KCNIP3: variants seen among roughly 807,000 people sequenced by gnomAD.
KCNIP3 encodes calsenilin.
KCNIP3 carries 28 observed loss-of-function variants against 35.0 expected under a neutral mutation model. That is an observed-to-expected ratio of 0.80 (90% CI 0.59 to 1.10). The LOEUF is 1.10. Among genes scored for constraint, KCNIP3 ranks in the 50% least tolerant of loss-of-function variants. The probability of loss-of-function intolerance (pLI) is 0.00; values close to 1 mark genes in which losing one functional copy is unlikely to be tolerated. For synonymous variants in KCNIP3, 134 were observed against 133.8 expected, an observed-to-expected ratio of 1.00 and a Z score of -0.01; for missense variants, 295 against 338.4, an observed-to-expected ratio of 0.87 and a Z score of 1.01.
chr2:95,368,772 T>C lies in KCNIP3; in HGVS notation c.182-5524T>C, dbSNP rs139171816. The C allele has an allele frequency of 2.0e-3, 492 of 241,976 alleles. 8 individuals are homozygous for C. Among genetic ancestry groups the C allele is most frequent in the East Asian group, 0.018 (186 of 10,174 alleles). 15.0% of individuals were successfully genotyped at this position (241,976 alleles called of 1,614,324 possible). On this transcript the variant is annotated intron_variant, in intron 2 of 8. Transcript: ENST00000295225. ...TGACTGATAATCACTGTTGGTTTGG[T>C]CACATTTCCACCTGCCCAGTGGCAA... is the stretch of plus-strand genomic sequence containing the variant.
intron 1 of KCNIP3, among the ~76,000 whole-genome samples, chr2:95,306,941 T>G (rs945037311): frequency 6.6e-6 from 1 of 152,214 alleles, no homozygotes; most frequent in Non-Finnish European, 1.5e-5. Flanking sequence ...CAGATATTCA[T>G]GAGGATGACC....
At chr2:95,361,445 C>T (rs1447796129) in intron 2 of KCNIP3, among the ~76,000 whole-genome samples, 3 of 152,164 alleles carry the variant, frequency 2.0e-5, no homozygotes, top group East Asian at 1.9e-4. Flanking sequence ...ATCAGACAAC[C>T]CTTTCTCTGC....
At chr2:95,322,944 GCCAC>G (rs1487458380) in intron 2 of KCNIP3, among the ~76,000 whole-genome samples, 2 of 152,232 alleles carry the variant, frequency 1.3e-5, no homozygotes, top group African/African-American at 4.8e-5. Context: ...TTCATTAAGA[GCCAC>G]CGCGAGCAGG....
At chr2:95,320,651 C>G (rs988173213) in intron 2 of KCNIP3, among the ~76,000 whole-genome samples, 2 of 152,118 alleles carry the variant, frequency 1.3e-5, no homozygotes, top group African/African-American at 2.4e-5. Context: ...GTTCACTGTC[C>G]TCACCCTGGC....
Position 95,375,184 on chromosome 2 carries a change from C to A in KCNIP3, c.423C>A (p.Asp141Glu), listed in dbSNP as rs769227968. ...AHFLFNAFDA[D>E]GNGAIHFEDF... ...TCCTCTTCAACGCCTTTGATGCGGA[C>A]GGGAACGGGGCCATCCACTTTGAGG... The change falls in exon 5 of 9, where the codon GAC becomes GAA. Residue 141 changes from aspartate to glutamate, a missense_variant. Asp to Glu is a conservative substitution (Grantham distance 45). Coordinates refer to ENST00000295225, the MANE Select transcript of KCNIP3 (RefSeq NM_013434.5). 3.1e-6 allele frequency: 5 copies of A among 1,614,028 alleles called. No individual in the cohort carries two copies. The highest frequency in any genetic ancestry group is 4.2e-6 in the Non-Finnish European group (5 of 1,180,020).
chr2:95,322,372 A>AG (rs1678617669), intron 2 of KCNIP3, among the ~76,000 whole-genome samples: 1 of 152,148 alleles, frequency 6.6e-6, no homozygotes, highest in African/African-American at 2.4e-5. Flanking sequence ...AAAGAAAAAA[A>AG]TAAAAAAGAA....
chr2:95,341,148 T>C (rs1679184673), intron 2 of KCNIP3, among the ~76,000 whole-genome samples: 1 of 152,146 alleles, frequency 6.6e-6, no homozygotes, highest in Non-Finnish European at 1.5e-5. Context: ...ATGGCGTTGT[T>C]TCTCATTGAT....
rs1405319874 is a variant in KCNIP3 at position 95,381,685 on chromosome 2, T to C, written c.537T>C (p.Asp179=). ...TTAATCTCTACGACATTAACAAGGA[T>C]GGCTACATCACCAAAGAGGTAGTAG... ...WAFNLYDINK[D]GYITKEEMLA... Residue 179 remains aspartate, a synonymous_variant, in exon 6 of 9, where the codon GAT becomes GAC. Transcript: ENST00000295225. 3 of 1,613,316 alleles carry C rather than the reference T, an allele frequency of 1.9e-6. No individual in the cohort carries two copies. The highest frequency in any genetic ancestry group is 2.5e-6 in the Non-Finnish European group (3 of 1,179,288).
In KCNIP3 at chr2:95,333,772, T is replaced by C. The variant is rs143832215; in HGVS notation, c.181+23252T>C. 1.6e-4 allele frequency among the ~76,000 whole-genome samples: 25 copies of C among 152,312 alleles called. No homozygotes were observed. The East Asian group carries it at 4.6e-3, about 28-fold the overall frequency. On this transcript the variant is annotated intron_variant, in intron 2 of 8. Transcript: ENST00000295225. ...ATTCCCTCACTGAACGCAGAGGGCA[T>C]GATGGGTGGCTGAGTCCTCCCAGCT...
intron 2 of KCNIP3, among the ~76,000 whole-genome samples, chr2:95,326,022 C>T (rs1479472485): frequency 1.1e-4 from 17 of 151,612 alleles, no homozygotes; most frequent in African/African-American, 4.1e-4. Context: ...CATACACATT[C>T]ACTCATACAC....
chr2:95,336,140 A>G (rs1241551025), intron 2 of KCNIP3, among the ~76,000 whole-genome samples: 1 of 152,214 alleles, frequency 6.6e-6, no homozygotes. Context: ...TGAGAGACAG[A>G]TGTGGATTCT....
chr2:95,380,011 GT>G (rs1428043042), intron 5 of KCNIP3, among the ~76,000 whole-genome samples: 1 of 152,068 alleles, frequency 6.6e-6, no homozygotes, highest in Non-Finnish European at 1.5e-5. Context: ...ACTTTCCTCT[GT>G]TTTCTCCCGT....
intron 5 of KCNIP3, among the ~76,000 whole-genome samples, chr2:95,380,355 G>C (rs193268836): frequency 8.3e-4 from 127 of 152,206 alleles, no homozygotes; most frequent in African/African-American, 3.0e-3. Flanking sequence ...CTCTGTCTCT[G>C]TCTCTCTCAT....
chr2:95,315,355 G>A (rs1227522408), intron 2 of KCNIP3, among the ~76,000 whole-genome samples: 12 of 152,174 alleles, frequency 7.9e-5, no homozygotes, highest in Non-Finnish European at 1.5e-4. Context: ...AAATGCCAGA[G>A]GAGCCAGGAA....
At chr2:95,368,657 C>T in intron 2 of KCNIP3, 1 of 322,808 alleles carries the variant, frequency 3.1e-6, no homozygotes, top group Non-Finnish European at 6.3e-6. Flanking sequence ...AACAGACATA[C>T]TCTACCAGTG....
chr2:95,318,211 G>T (rs1475187006), intron 2 of KCNIP3, among the ~76,000 whole-genome samples: 1 of 152,126 alleles, frequency 6.6e-6, no homozygotes, highest in African/African-American at 2.4e-5. Flanking sequence ...ATGGGGAGCC[G>T]CTGGCTTCTC....
At chr2:95,309,372 C>T (rs2104208216) in intron 1 of KCNIP3, among the ~76,000 whole-genome samples, 1 of 150,546 alleles carries the variant, frequency 6.6e-6, no homozygotes, top group African/African-American at 2.4e-5. Context: ...GGGCCTCCAC[C>T]ATGACCCCAG....
At chr2:95,298,741 C>T (rs1677942616) in intron 1 of KCNIP3, 1 of 152,244 alleles carries the variant, frequency 6.6e-6, no homozygotes, top group South Asian at 2.1e-4. Flanking sequence ...GGCAACACTA[C>T]ACATGGAAAA....
At chr2:95,342,164 GAGAA>G (rs552403544) in intron 2 of KCNIP3, among the ~76,000 whole-genome samples, 130 of 152,278 alleles carry the variant, frequency 8.5e-4, no homozygotes, top group African/African-American at 2.2e-3. Context: ...ACAGCCACAC[GAGAA>G]AGAGAGAGGA....
Sources: gnomAD v4.1 joint callset for allele counts (sites outside exome capture counted in the v4.1 genomes callset) on GRCh38, gnomAD v4.1.1 for gene constraint, MANE v1.5 for transcripts, NCBI Gene and HGNC (gene_info 2026-07-23, HGNC 2026-07-21) for gene names.